Variants in PLXNA4 observed in about 807,000 individuals in gnomAD.
PLXNA4 encodes plexin A4.
PLXNA4 carries 44 observed loss-of-function variants against 191.8 expected under a neutral mutation model. The observed-to-expected ratio is 0.23, with a 90% CI of 0.18 to 0.29. The LOEUF (loss-of-function observed/expected upper bound fraction) is 0.29. PLXNA4 is among the 10% of genes least tolerant of loss of function. The probability of loss-of-function intolerance (pLI) is 1.00; values close to 1 mark genes in which losing one functional copy is unlikely to be tolerated. For synonymous variants in PLXNA4, 1,082 were observed against 1,009.5 expected, an observed-to-expected ratio of 1.07 and a Z score of -1.36; for missense variants, 1,800 against 2,488.8, an observed-to-expected ratio of 0.72 and a Z score of 5.89.
intron 3 of PLXNA4, among the ~76,000 whole-genome samples, chr7:132,436,042 G>C (rs966160681): frequency 2.6e-5 from 4 of 152,192 alleles, no homozygotes; most frequent in Non-Finnish European, 1.5e-5. Flanking sequence ...CCCAGAAAAT[G>C]ATGGGTGACT....
chr7:132,543,328 A>G lies in PLXNA4; in HGVS notation c.-87+33094T>C, dbSNP rs149827414. Among the ~76,000 whole-genome samples, 782 of 152,304 alleles carry G rather than the reference A, an allele frequency of 5.1e-3. 3 individuals are homozygous for G. Among genetic ancestry groups the G allele is most frequent in the Middle Eastern group, 0.041 (12 of 294 alleles). On this transcript the variant is annotated intron_variant, in intron 1 of 31. Coordinates refer to ENST00000321063, the MANE Select transcript of PLXNA4 (RefSeq NM_020911.2). The stretch of plus-strand genomic sequence containing the variant: ...CCCTGGACTCCAGCTTGTGTCCTGT[A>G]ATGCCCTGATGCTGTCAAATGCATT...
At position 132,125,735 on chromosome 7, in the gene PLXNA4, G is replaced by A. The variant is rs1170986689; in HGVS notation, c.*4744C>T. 3 of 152,306 alleles carry A rather than the reference G, an allele frequency of 2.0e-5. No individual in the cohort carries two copies. Among genetic ancestry groups the A allele is most frequent in the African/African-American group, 7.2e-5 (3 of 41,532 alleles). The allele number at this position is 152,306 out of a possible 1,614,324, so 9.4% of individuals were successfully genotyped here. A position where few individuals can be genotyped will look rare whatever the true frequency, so the allele number is the denominator to read the frequency against. On this transcript the variant is annotated 3_prime_UTR_variant, in exon 32 of 32. Coordinates refer to ENST00000321063, the MANE Select transcript of PLXNA4 (RefSeq NM_020911.2). ...ACGAGGACCAGGAGGGATGGCGGGGGGGGATTTGGGGCATGGGGAGAAGCC... is the reference window on the plus strand; with the variant it reads ...ACGAGGACCAGGAGGGATGGCGGGGAGGGATTTGGGGCATGGGGAGAAGCC...
At chr7:132,356,676 G>T (rs1470886693) in intron 3 of PLXNA4, among the ~76,000 whole-genome samples, 2 of 152,216 alleles carry the variant, frequency 1.3e-5, no homozygotes, top group East Asian at 3.8e-4. Context: ...GACACAGTTG[G>T]ATAATTATTC....
intron 8 of PLXNA4, among the ~76,000 whole-genome samples, 182 bp from the exon 9 acceptor site, chr7:132,223,823 G>T (rs191237721): frequency 6.6e-6 from 1 of 152,240 alleles, no homozygotes; most frequent in African/African-American, 2.4e-5. Context: ...GGAAGCTAAT[G>T]GTCTCTGGTT....
intron 4 of PLXNA4, among the ~76,000 whole-genome samples, chr7:132,277,949 T>C (rs1307164221): frequency 1.3e-5 from 2 of 152,200 alleles, no homozygotes; most frequent in Non-Finnish European, 2.9e-5. Context: ...ACCAGGTGGT[T>C]GATCAGATTG....
intron 13 of PLXNA4, among the ~76,000 whole-genome samples, chr7:132,196,347 T>G (rs1181525720): frequency 6.6e-6 from 1 of 152,240 alleles, no homozygotes; most frequent in Non-Finnish European, 1.5e-5. Flanking sequence ...CTTGCTTTTC[T>G]TTTACAAAAC....
chr7:132,505,986 G>A (rs1223893729), intron 2 of PLXNA4, among the ~76,000 whole-genome samples: 2 of 152,040 alleles, frequency 1.3e-5, no homozygotes, highest in Non-Finnish European at 2.9e-5. Context: ...CCATTCTCCA[G>A]TCTGGCTCTG....
At chr7:132,599,735 G>A (rs1239463936) in intron 2 of PLXNA4, among the ~76,000 whole-genome samples, 1 of 150,964 alleles carries the variant, frequency 6.6e-6, no homozygotes, top group Non-Finnish European at 1.5e-5. Context: ...TCTTTCAATA[G>A]CACTGATAAC....
chr7:132,538,594 C>T (rs909252683), intron 1 of PLXNA4, among the ~76,000 whole-genome samples: 1 of 152,200 alleles, frequency 6.6e-6, no homozygotes, highest in African/African-American at 2.4e-5. Context: ...CTTACTTTAT[C>T]TATAAAATGG....
At chr7:132,178,748 T>C (rs1295635071) in intron 20 of PLXNA4, among the ~76,000 whole-genome samples, 129 of 103,100 alleles carry the variant, frequency 1.3e-3, no homozygotes, top group African/African-American at 4.5e-3. Flanking sequence ...ATGAAACACA[T>C]ACACACACAC....
chr7:132,380,860 C>T (rs1026110940), intron 3 of PLXNA4, among the ~76,000 whole-genome samples: 13 of 152,322 alleles, frequency 8.5e-5, no homozygotes, highest in Admixed American at 3.3e-4. Flanking sequence ...CCAAGAGCCA[C>T]GCCTTAGGGG....
intron 3 of PLXNA4, among the ~76,000 whole-genome samples, chr7:132,344,018 C>T (rs1396068343): frequency 6.6e-6 from 1 of 152,182 alleles, no homozygotes; most frequent in Non-Finnish European, 1.5e-5. Context: ...CATTGCCACC[C>T]CACACTCACC....
At chr7:132,165,374 G>A (rs1449461032) in intron 22 of PLXNA4, among the ~76,000 whole-genome samples, 174 bp from the exon 23 acceptor site, 3 of 152,156 alleles carry the variant, frequency 2.0e-5, no homozygotes, top group Admixed American at 6.5e-5. Context: ...ACTCCTAGAC[G>A]CCCCCATAAT....
At chr7:132,452,835 A>G (rs927923173) in intron 3 of PLXNA4, among the ~76,000 whole-genome samples, 1 of 152,152 alleles carries the variant, frequency 6.6e-6, no homozygotes, top group Admixed American at 6.6e-5. Flanking sequence ...ACATCCCTCC[A>G]TTGGCTATGA....
intron 10 of PLXNA4, among the ~76,000 whole-genome samples, chr7:132,206,142 C>T (rs1584842875): frequency 6.6e-6 from 1 of 152,156 alleles, no homozygotes; most frequent in Non-Finnish European, 1.5e-5. Context: ...TCTTAGTTTC[C>T]CCATTGGTAA....
rs142033178 is a variant in PLXNA4 at position 132,505,931 on chromosome 7, G to T, written c.1188+1575C>A. Among the ~76,000 whole-genome samples the T allele has an allele frequency of 2.8e-3, 422 of 152,156 alleles. 1 individual carries two copies. Among genetic ancestry groups the T allele is most frequent in the Middle Eastern group, 0.01 (3 of 294 alleles). On this transcript the variant is annotated intron_variant, in intron 2 of 31. Transcript: ENST00000321063. ...AAGGGCTCCAGGGGCATTCCCAAAG[G>T]TTGTCACCTGCTAGGAAGACTCAGT...
intron 3 of PLXNA4, among the ~76,000 whole-genome samples, chr7:132,332,636 G>A (rs1177746288): frequency 6.6e-6 from 1 of 151,908 alleles, no homozygotes; most frequent in African/African-American, 2.4e-5. Flanking sequence ...ACTGCTTGAG[G>A]CCAGCAGTTC....
At chr7:132,285,549 T>C (rs894836420) in intron 4 of PLXNA4, among the ~76,000 whole-genome samples, 1 of 152,224 alleles carries the variant, frequency 6.6e-6, no homozygotes, top group African/African-American at 2.4e-5. Context: ...TGAAATGCAC[T>C]TGAAAGACTC....
At chr7:132,327,089 G>GA (rs1330328031) in intron 3 of PLXNA4, among the ~76,000 whole-genome samples, 18 of 136,508 alleles carry the variant, frequency 1.3e-4, no homozygotes, top group African/African-American at 2.5e-4. Context: ...AGGGAGGGTA[G>GA]GAAGAAAGGA....
Sources: gnomAD v4.1 joint callset for allele counts (sites outside exome capture counted in the v4.1 genomes callset) on GRCh38, gnomAD v4.1.1 for gene constraint, MANE v1.5 for transcripts, NCBI Gene and HGNC (gene_info 2026-07-23, HGNC 2026-07-21) for gene names.